DRC1: variants seen among roughly 807,000 people sequenced by gnomAD.
The protein encoded by DRC1 is dynein regulatory complex subunit 1.
A neutral mutation model predicts 98.7 loss-of-function variants in DRC1; 74 were observed. The observed-to-expected ratio is 0.75, with a 90% CI of 0.62 to 0.91. DRC1 has a LOEUF of 0.91. Ranked by LOEUF, DRC1 falls within the 40% of genes least tolerant of loss-of-function variation. DRC1 has a pLI of 0.00. For synonymous variants in DRC1, 336 were observed against 334.1 expected, an observed-to-expected ratio of 1.01 and a Z score of -0.06; for missense variants, 875 against 886.0, an observed-to-expected ratio of 0.99 and a Z score of 0.16.
At chr2:26,406,056 G>C (rs1678416027) in intron 1 of DRC1, among the ~76,000 whole-genome samples, 1 of 152,160 alleles carries the variant, frequency 6.6e-6, no homozygotes, top group Non-Finnish European at 1.5e-5. Context: ...AATGCATGCA[G>C]CTGAGTCTGT....
chr2:26,417,766 T>C (rs1053978115), intron 2 of DRC1, among the ~76,000 whole-genome samples: 1 of 152,248 alleles, frequency 6.6e-6, no homozygotes, highest in African/African-American at 2.4e-5. Context: ...AGCAATGTTT[T>C]GTACTTTTTG....
At chr2:26,412,579 C>T (rs1443379361) in intron 1 of DRC1, among the ~76,000 whole-genome samples, 1 of 152,086 alleles carries the variant, frequency 6.6e-6, no homozygotes, top group African/African-American at 2.4e-5. Context: ...ATCTCGCCAC[C>T]GCCCCTTTAG....
rs182481098 is a variant in DRC1 at position 26,417,172 on chromosome 2, G to T, written c.243+2741G>T. Among the ~76,000 whole-genome samples the T allele has an allele frequency of 3.2e-3, 488 of 152,200 alleles. 3 individuals are homozygous for T. Among genetic ancestry groups the T allele is most frequent in the African/African-American group, 0.011 (466 of 41,512 alleles). On this transcript the variant is annotated intron_variant, in intron 2 of 16. Transcript: ENST00000288710. ...TAAAATTCAACATAAGATTTGGGCA[G>T]GGACAAAAGATCGAAACTATATCCA...
Position 26,416,447 on chromosome 2 carries a change from G to GT in DRC1, c.243+2021dup, listed in dbSNP as rs1448145996. Among the ~76,000 whole-genome samples the GT allele has an allele frequency of 2.6e-5, 4 of 152,028 alleles. No individual in the cohort carries two copies. In the South Asian group the frequency reaches 6.2e-4, roughly 24 times the overall value. On this transcript the variant is annotated intron_variant, in intron 2 of 16. Coordinates refer to ENST00000288710, the MANE Select transcript of DRC1 (RefSeq NM_145038.5). ...GAGCCACCGTGCCCGGCCTTACCAT[G>GT]TTTTTAGTGGTCATTATTTTTGTGT...
intron 3 of DRC1, among the ~76,000 whole-genome samples, chr2:26,422,240 C>T (rs541129682): frequency 1.3e-5 from 2 of 152,114 alleles, no homozygotes; most frequent in East Asian, 1.9e-4. Context: ...AGGATGTATG[C>T]GGGTAATGGA....
Position 26,402,025 on chromosome 2 carries a change from G to C in DRC1, c.36G>C (p.Pro12=), listed in dbSNP as rs116549039. Residue 12 remains proline (P), a synonymous_variant, in exon 1 of 17, where the codon CCG becomes CCC. Transcript: ENST00000288710. ...CGGGGTCCCTAGAGGCCCTGGACCC[G>C]AACGTGGACGAGCACTTGTCCACCC... ...NPPGSLEALD[P]NVDEHLSTQI... 1.7e-3 allele frequency: 2,664 copies of C among 1,612,076 alleles called. 34 individuals carry two copies. The African/African-American group carries it at 0.031, about 19-fold the overall frequency.
intron 10 of DRC1, 69 bp downstream of exon 10, chr2:26,445,017 C>T: frequency 6.6e-7 from 1 of 1,507,032 alleles, no homozygotes. Flanking sequence ...TCAAGCCAGT[C>T]ACGTTAGAGA....
In DRC1 at chr2:26,455,000, G is replaced by A. The variant is rs1006087665; in HGVS notation, c.2064-131G>A. ...TTCCTGCTAACCTGGCTCACCTGGC[G>A]GCTGGGTGAAGAGTGTAGCTTCTGG... is the stretch of plus-strand genomic sequence containing the variant. On this transcript the variant is annotated intron_variant, in intron 15 of 16. Coordinates refer to ENST00000288710, the MANE Select transcript of DRC1 (RefSeq NM_145038.5). This position sits in a 1 kb window ranked among gnomAD's most constrained non-coding sequence, Gnocchi z 5.2. 13 of 1,352,764 alleles carry A rather than the reference G, an allele frequency of 9.6e-6. No homozygotes were observed. The highest frequency in any genetic ancestry group is 1.8e-4 in the Middle Eastern group (1 of 5,406). 83.8% of individuals were successfully genotyped at this position (1,352,764 alleles called of 1,614,324 possible). A position where few individuals can be genotyped will look rare whatever the true frequency, so the allele number is the denominator to read the frequency against.
intron 8 of DRC1, among the ~76,000 whole-genome samples, chr2:26,442,088 G>A (rs1279960439): frequency 1.3e-5 from 2 of 152,210 alleles, no homozygotes; most frequent in African/African-American, 4.8e-5. Flanking sequence ...TCTTTCAGAG[G>A]GGAGGGATGC....
At chr2:26,415,935 CAAA>C (rs59566642) in intron 2 of DRC1, among the ~76,000 whole-genome samples, 84 of 98,362 alleles carry the variant, frequency 8.5e-4, no homozygotes, top group African/African-American at 2.4e-3. Flanking sequence ...CTTTCTCTTT[CAAA>C]AAAAAAAAAA....
chr2:26,405,906 T>A (rs1225025286), intron 1 of DRC1, among the ~76,000 whole-genome samples: 1 of 152,084 alleles, frequency 6.6e-6, no homozygotes, highest in Admixed American at 6.6e-5. Flanking sequence ...GCAATCCACC[T>A]GCCTCAGCCT....
chr2:26,401,937 T>G lies in DRC1; in HGVS notation c.-53T>G. ...AACGGTTTGTTCCTAGCAACCAGCC[T>G]GAGGTCTGGAGGTGGTGCGGAGGGA... On this transcript the variant is annotated 5_prime_UTR_variant, in exon 1 of 17. Coordinates refer to ENST00000288710, the MANE Select transcript of DRC1 (RefSeq NM_145038.5). 1.3e-6 allele frequency: 2 copies of G among 1,543,970 alleles called. No individual in the cohort carries two copies. Among genetic ancestry groups the G allele is most frequent in the Non-Finnish European group, 1.8e-6 (2 of 1,142,824 alleles).
intron 11 of DRC1, among the ~76,000 whole-genome samples, chr2:26,449,410 C>T (rs1663942170): frequency 6.6e-6 from 1 of 152,176 alleles, no homozygotes; most frequent in Admixed American, 6.5e-5. Flanking sequence ...GCAGCTGCTG[C>T]TGAAGGGGTC....
rs971930900 is a variant in DRC1, at chr2:26,436,007, G to A, written c.888+4001G>A. ...GATTGCTGGGTCAAATGGTAGCTCC[G>A]TTTTACGTTCTTTGAGGAATTGCCA... On this transcript the variant is annotated intron_variant, in intron 7 of 16. Transcript: ENST00000288710. Among the ~76,000 whole-genome samples, 8 of 151,946 alleles carry A rather than the reference G, an allele frequency of 5.3e-5. No individual in the cohort carries two copies. The East Asian group carries it at 5.8e-4, about 11-fold the overall frequency.
intron 7 of DRC1, among the ~76,000 whole-genome samples, chr2:26,432,692 C>T (rs1022762637): frequency 2.0e-5 from 3 of 152,072 alleles, no homozygotes; most frequent in Admixed American, 1.3e-4. Context: ...GAAAAATGTC[C>T]CTAGGCCACT....
At position 26,421,419 on chromosome 2, in the gene DRC1, T is replaced by C; in HGVS notation, c.356+19T>C. The C allele has an allele frequency of 1.2e-6, 2 of 1,603,558 alleles. No individual in the cohort carries two copies. Among genetic ancestry groups the C allele is most frequent in the Non-Finnish European group, 1.7e-6 (2 of 1,172,286 alleles). On this transcript the variant is annotated intron_variant, in intron 3 of 16. Transcript: ENST00000288710. ...GTCAAAGGTAAGGACTGTGCTACTC[T>C]GCAGCTGGTGGACATGAAGGTAATC...
intron 2 of DRC1, among the ~76,000 whole-genome samples, chr2:26,415,060 G>A (rs553974312): frequency 6.6e-6 from 1 of 152,274 alleles, no homozygotes; most frequent in African/African-American, 2.4e-5. Context: ...AGATGTGTGT[G>A]CCTGCAGTGC....
rs115547017 is a variant in DRC1, at chr2:26,454,458, C to G, written c.1920-189C>G. 2.6e-5 allele frequency among the ~76,000 whole-genome samples: 4 copies of G among 152,112 alleles called. No homozygotes were observed. Among genetic ancestry groups the G allele is most frequent in the African/African-American group, 9.7e-5 (4 of 41,416 alleles). ...ACGGATTATGCCCTCACGAAGGTAC[C>G]GGTGGTACCGAGGCAGGAACGTTGA... On this transcript the variant is annotated intron_variant, in intron 14 of 16. Coordinates refer to ENST00000288710, the MANE Select transcript of DRC1 (RefSeq NM_145038.5). The surrounding 1 kb of genome is among the most constrained non-coding windows in gnomAD (Gnocchi z 5.2).
chr2:26,451,520 G>A (rs1357026497), intron 13 of DRC1, among the ~76,000 whole-genome samples: 1 of 152,178 alleles, frequency 6.6e-6, no homozygotes, highest in African/African-American at 2.4e-5. Flanking sequence ...CCTGTAAAAA[G>A]AGTTGGCTGG....
Sources: allele counts gnomAD v4.1 joint callset (sites outside exome capture counted in the v4.1 genomes callset), GRCh38; gene constraint gnomAD v4.1.1; non-coding constraint Gnocchi (gnomAD v3.1); transcripts MANE v1.5; gene names NCBI Gene and HGNC (gene_info 2026-07-23, HGNC 2026-07-21).